LRRC7: variants seen among roughly 807,000 people sequenced by gnomAD.
The protein encoded by LRRC7 is leucine rich repeat containing 7.
A neutral mutation model predicts 175.7 loss-of-function variants in LRRC7; 23 were observed. That is an observed-to-expected ratio of 0.13 (90% CI 0.09 to 0.19). The LOEUF (loss-of-function observed/expected upper bound fraction) is 0.19. Among genes scored for constraint, LRRC7 ranks in the 10% least tolerant of loss-of-function variants. The probability of loss-of-function intolerance (pLI) is 1.00; values close to 1 mark genes in which losing one functional copy is unlikely to be tolerated. For missense variants in LRRC7, 1,354 were observed against 1,904.7 expected (o/e 0.71, Z 5.38); for synonymous variants, 685 against 680.9 (o/e 1.01, Z -0.09).
intron 3 of LRRC7, among the ~76,000 whole-genome samples, chr1:69,778,315 G>A (rs765512925): frequency 5.3e-5 from 8 of 152,110 alleles, no homozygotes; most frequent in Non-Finnish European, 1.0e-4. Context: ...AACAAAGGTG[G>A]AGAAGAAAGA....
At chr1:69,931,410 G>T (rs1352323267) in intron 7 of LRRC7, 97 bp from the exon 8 acceptor site, 2 of 904,656 alleles carry the variant, frequency 2.2e-6, no homozygotes, top group South Asian at 2.8e-5. Flanking sequence ...TGTGTACTAC[G>T]CAATCAGGTA....
intron 7 of LRRC7, among the ~76,000 whole-genome samples, chr1:69,851,218 C>T (rs113846452): frequency 0.012 from 1,818 of 152,180 alleles, 14 homozygotes; most frequent in South Asian, 0.019. Context: ...ATTTTAGTAG[C>T]GCATTATGTG....
intron 22 of LRRC7, among the ~76,000 whole-genome samples, chr1:70,052,075 A>G (rs953583708): frequency 2.0e-5 from 3 of 152,070 alleles, no homozygotes; most frequent in African/African-American, 7.2e-5. Flanking sequence ...AGAAAATGGC[A>G]TAGGAAACAC....
At chr1:69,741,332 G>A (rs1313119180) in intron 2 of LRRC7, among the ~76,000 whole-genome samples, 1 of 151,956 alleles carries the variant, frequency 6.6e-6, no homozygotes, top group Non-Finnish European at 1.5e-5. Context: ...GGGTATCGTG[G>A]GGTTTTTGTT....
intron 1 of LRRC7, among the ~76,000 whole-genome samples, chr1:69,677,545 G>A (rs916096133): frequency 2.0e-5 from 3 of 151,878 alleles, no homozygotes; most frequent in South Asian, 2.1e-4. Context: ...CAGTGTATAA[G>A]TGTTCCTTTT....
chr1:69,907,926 C>G (rs1246454570), intron 7 of LRRC7, among the ~76,000 whole-genome samples: 3 of 152,110 alleles, frequency 2.0e-5, no homozygotes, highest in African/African-American at 7.2e-5. Context: ...TTGATTATTG[C>G]CACAATTTCA....
chr1:70,047,089 C>T (rs977069658), intron 22 of LRRC7, among the ~76,000 whole-genome samples: 1 of 151,968 alleles, frequency 6.6e-6, no homozygotes, highest in Admixed American at 6.6e-5. Flanking sequence ...CTTTGCAGCC[C>T]CTAAATACTC....
At chr1:69,672,461 G>T (rs1659217541) in intron 1 of LRRC7, among the ~76,000 whole-genome samples, 1 of 152,082 alleles carries the variant, frequency 6.6e-6, no homozygotes. Flanking sequence ...CTTGATTTTT[G>T]CACTTATTCT....
At chr1:70,025,834 G>A (rs1022736329) in intron 17 of LRRC7, among the ~76,000 whole-genome samples, 2 of 144,436 alleles carry the variant, frequency 1.4e-5, no homozygotes, top group African/African-American at 2.5e-5. Context: ...CAATTTAAGG[G>A]GGGGGGGGTC....
At chr1:69,703,896 G>A (rs562696122) in intron 2 of LRRC7, among the ~76,000 whole-genome samples, 7 of 152,004 alleles carry the variant, frequency 4.6e-5, no homozygotes, top group Admixed American at 1.3e-4. Flanking sequence ...TATCTAAAGC[G>A]TTTACCATTT....
At position 69,734,273 on chromosome 1, in the gene LRRC7, C is replaced by G. The variant is rs75663312; in HGVS notation, c.101-25918C>G. ...ACTTCAGTTACCTCTATCTGAACAC[C>G]CTTTCACACACATATACACATACCA... is the stretch of plus-strand genomic sequence containing the variant. On this transcript the variant is annotated intron_variant, in intron 2 of 26. Coordinates refer to ENST00000651989, the MANE Select transcript of LRRC7 (RefSeq NM_001370785.2). Among the ~76,000 whole-genome samples the G allele has an allele frequency of 3.0e-3, 456 of 151,962 alleles. 2 individuals are homozygous for G. Among genetic ancestry groups the G allele is most frequent in the African/African-American group, 0.01 (433 of 41,522 alleles).
intron 2 of LRRC7, among the ~76,000 whole-genome samples, chr1:69,754,382 A>G (rs911329719): frequency 1.3e-5 from 2 of 152,142 alleles, no homozygotes; most frequent in African/African-American, 4.8e-5. Flanking sequence ...TAGGGTATTT[A>G]ATGTTTAGGA....
At chr1:69,751,656 G>C (rs1669860073) in intron 2 of LRRC7, among the ~76,000 whole-genome samples, 1 of 152,072 alleles carries the variant, frequency 6.6e-6, no homozygotes, top group Non-Finnish European at 1.5e-5. Flanking sequence ...ATCTCATTAA[G>C]CCGTTAGAGG....
In LRRC7 at chr1:70,124,161, T is replaced by A. The variant is rs994730076; in HGVS notation, c.*2274T>A. Among the ~76,000 whole-genome samples the A allele has an allele frequency of 6.6e-6, 1 of 152,222 alleles. No homozygotes were observed. The highest frequency in any genetic ancestry group is 1.5e-5 in the Non-Finnish European group (1 of 68,036). On this transcript the variant is annotated 3_prime_UTR_variant, in exon 27 of 27. Transcript: ENST00000651989. Reference sequence around the variant, plus strand: ...GATCCTTGACCAACTGGAAAAGTTATCTGATATGCCAAAGCACCTCACTGT... The same window carrying A: ...GATCCTTGACCAACTGGAAAAGTTAACTGATATGCCAAAGCACCTCACTGT...
chr1:70,128,266 T>G lies in LRRC7; in HGVS notation c.*6379T>G, dbSNP rs1666528304. On this transcript the variant is annotated 3_prime_UTR_variant, in exon 27 of 27. Transcript: ENST00000651989. Reference sequence around the variant, plus strand: ...CGTGAGCCACTGTGCCCAGCATTTTTTCATTCTTTAAGCTAGCATAGATTT... The same window carrying G: ...CGTGAGCCACTGTGCCCAGCATTTTGTCATTCTTTAAGCTAGCATAGATTT... Among the ~76,000 whole-genome samples the G allele has an allele frequency of 6.6e-6, 1 of 152,124 alleles. No homozygotes were observed. The highest frequency in any genetic ancestry group is 2.4e-5 in the African/African-American group (1 of 41,440).
chr1:70,028,509 T>A, intron 18 of LRRC7, 138 bp downstream of exon 18: 1 of 770,648 alleles, frequency 1.3e-6, no homozygotes, highest in Non-Finnish European at 2.1e-6. Flanking sequence ...TTTTTCAAAC[T>A]ATGAGGGTTG....
chr1:70,018,619 C>A lies in LRRC7; in HGVS notation c.1321-100C>A. On this transcript the variant is annotated intron_variant, in intron 14 of 26. Coordinates refer to ENST00000651989, the MANE Select transcript of LRRC7 (RefSeq NM_001370785.2). ...ATTTCTTATTTTATTTCTTTTTTCA[C>A]TTTTTCCCCCCAATGTTTATTTATC... 5 of 610,572 alleles carry A rather than the reference C, an allele frequency of 8.2e-6. 1 individual carries two copies. Among genetic ancestry groups the A allele is most frequent in the Non-Finnish European group, 8.1e-6 (3 of 371,982 alleles). 37.8% of individuals were successfully genotyped at this position (610,572 alleles called of 1,614,324 possible).
At chr1:69,759,636 T>C (rs185977185) in intron 2 of LRRC7, among the ~76,000 whole-genome samples, 111 of 152,170 alleles carry the variant, frequency 7.3e-4, no homozygotes, top group Admixed American at 3.5e-3. Context: ...CTTTGTTCAA[T>C]GCATCACTGT....
chr1:69,928,244 G>A (rs889699132), intron 7 of LRRC7, among the ~76,000 whole-genome samples: 19 of 152,124 alleles, frequency 1.2e-4, no homozygotes, highest in Admixed American at 1.1e-3. Flanking sequence ...TAGGCTGCTC[G>A]GGGGTCAGGA....
Sources: allele counts gnomAD v4.1 joint callset (sites outside exome capture counted in the v4.1 genomes callset), GRCh38; gene constraint gnomAD v4.1.1; transcripts MANE v1.5; gene names NCBI Gene and HGNC (gene_info 2026-07-23, HGNC 2026-07-21).